Variants in POLR3B observed in about 807,000 individuals in gnomAD.
POLR3B encodes DNA-directed RNA polymerase III subunit RPC2.
POLR3B carries 96 observed loss-of-function variants against 147.4 expected under a neutral mutation model. The observed-to-expected ratio is 0.65, with a 90% CI of 0.55 to 0.77. The LOEUF is 0.77. Ranked by LOEUF, POLR3B falls within the 30% of genes least tolerant of loss-of-function variation. The pLI, the probability that POLR3B is intolerant of heterozygous loss-of-function variation, is 0.00. For synonymous variants in POLR3B, 461 were observed against 485.9 expected, an observed-to-expected ratio of 0.95 and a Z score of 0.67; for missense variants, 1,036 against 1,413.5, an observed-to-expected ratio of 0.73 and a Z score of 4.28.
At chr12:106,379,733 A>G (rs1402881598) in intron 8 of POLR3B, among the ~76,000 whole-genome samples, 1 of 152,254 alleles carries the variant, frequency 6.6e-6, no homozygotes, top group Non-Finnish European at 1.5e-5. Context: ...ACACTGGATC[A>G]AAGTAATTCA....
intron 4 of POLR3B, among the ~76,000 whole-genome samples, chr12:106,368,563 T>C (rs962017949): frequency 1.3e-5 from 2 of 152,156 alleles, no homozygotes; most frequent in Non-Finnish European, 2.9e-5. Flanking sequence ...TCCTAGACTA[T>C]AAATAAAGTT....
At chr12:106,462,798 C>A (rs773363139) in intron 22 of POLR3B, among the ~76,000 whole-genome samples, 3 of 152,154 alleles carry the variant, frequency 2.0e-5, no homozygotes, top group Admixed American at 6.5e-5. Flanking sequence ...CCACTCTGGT[C>A]AGGTCTCAAG....
At chr12:106,375,838 C>G (rs1192963909) in intron 6 of POLR3B, among the ~76,000 whole-genome samples, 1 of 152,104 alleles carries the variant, frequency 6.6e-6, no homozygotes, top group Admixed American at 6.6e-5. Flanking sequence ...AAGTTTAAAC[C>G]AAACATTTGA....
chr12:106,414,367 C>T (rs1430302640), intron 12 of POLR3B, among the ~76,000 whole-genome samples: 1 of 151,612 alleles, frequency 6.6e-6, no homozygotes, highest in African/African-American at 2.4e-5. Flanking sequence ...TGTTTATGAA[C>T]TCATATTTAA....
At chr12:106,474,003 G>A (rs2038127563) in intron 23 of POLR3B, among the ~76,000 whole-genome samples, 1 of 140,908 alleles carries the variant, frequency 7.1e-6, no homozygotes, top group South Asian at 2.3e-4. Context: ...CTGTGGGTTT[G>A]TCATAGATAG....
rs548755538 is a variant in POLR3B, at chr12:106,463,165, G to A, written c.2571-313G>A. On this transcript the variant is annotated intron_variant, in intron 22 of 27. Coordinates refer to ENST00000228347, the MANE Select transcript of POLR3B (RefSeq NM_018082.6). ...GAAATCCCAGTTCCACTTTGTGTGA[G>A]TCATGTGCCCTTGGACAAGTTACTT... 1.7e-3 allele frequency among the ~76,000 whole-genome samples: 253 copies of A among 152,308 alleles called. 4 individuals carry two copies. The highest frequency in any genetic ancestry group is 1.7e-3 in the Non-Finnish European group (114 of 68,016).
chr12:106,421,568 A>G (rs1372410003), intron 12 of POLR3B, among the ~76,000 whole-genome samples: 2 of 151,974 alleles, frequency 1.3e-5, no homozygotes, highest in Admixed American at 1.3e-4. Context: ...TTTCTTTGCA[A>G]TGTCTTTTGG....
At position 106,510,180 on chromosome 12, in the gene POLR3B, G is replaced by A. The variant is rs1346816793; in HGVS notation, c.*631G>A. ...ATGATTGTACCATGCAATACTATTCGTTAAATATCTGAATCTAACCCCGTG... is the reference window on the plus strand; with the variant it reads ...ATGATTGTACCATGCAATACTATTCATTAAATATCTGAATCTAACCCCGTG... On this transcript the variant is annotated 3_prime_UTR_variant, in exon 28 of 28. Coordinates refer to ENST00000228347, the MANE Select transcript of POLR3B (RefSeq NM_018082.6). 2.0e-5 allele frequency: 3 copies of A among 153,326 alleles called. No individual in the cohort carries two copies. In the East Asian group the frequency reaches 5.8e-4, roughly 29 times the overall value. 9.5% of individuals were successfully genotyped at this position (153,326 alleles called of 1,614,324 possible).
chr12:106,491,734 A>G (rs2038410233), intron 23 of POLR3B, among the ~76,000 whole-genome samples: 2 of 152,212 alleles, frequency 1.3e-5, no homozygotes, highest in Non-Finnish European at 2.9e-5. Context: ...GAAGTTTTCA[A>G]TATTCACTCA....
chr12:106,359,354 C>T (rs1371946737), intron 1 of POLR3B, among the ~76,000 whole-genome samples: 2 of 123,510 alleles, frequency 1.6e-5, no homozygotes, highest in African/African-American at 6.3e-5. Context: ...TTTTTTGAGA[C>T]GGAGTCTAGC....
intron 27 of POLR3B, among the ~76,000 whole-genome samples, chr12:106,506,366 T>C (rs1188857060): frequency 1.3e-5 from 2 of 152,104 alleles, no homozygotes; most frequent in Non-Finnish European, 2.9e-5. Context: ...AAAAAGAGTT[T>C]CCTTTTCTCT....
At chr12:106,471,044 C>G (rs745411442) in intron 23 of POLR3B, among the ~76,000 whole-genome samples, 1 of 152,136 alleles carries the variant, frequency 6.6e-6, no homozygotes, top group Non-Finnish European at 1.5e-5. Flanking sequence ...CTGCCTTGCC[C>G]CCAGAGGTAG....
intron 10 of POLR3B, among the ~76,000 whole-genome samples, chr12:106,399,334 A>G (rs914413316): frequency 1.1e-4 from 17 of 152,230 alleles, no homozygotes; most frequent in African/African-American, 4.1e-4. Flanking sequence ...ATATGAAAAG[A>G]CCAAATGTAG....
chr12:106,474,765 T>A (rs1276555498), intron 23 of POLR3B, among the ~76,000 whole-genome samples: 2 of 149,962 alleles, frequency 1.3e-5, no homozygotes, highest in Non-Finnish European at 3.0e-5. Context: ...TTTTTTTCTT[T>A]ATTAGTCTTG....
chr12:106,491,365 G>A lies in POLR3B; in HGVS notation c.2714-4690G>A, dbSNP rs143339646. Among the ~76,000 whole-genome samples the A allele has an allele frequency of 3.3e-5, 5 of 152,218 alleles. No individual in the cohort carries two copies. In the East Asian group the frequency reaches 9.7e-4, roughly 29 times the overall value. On this transcript the variant is annotated intron_variant, in intron 23 of 27. Coordinates refer to ENST00000228347, the MANE Select transcript of POLR3B (RefSeq NM_018082.6). ...TTCCTCGATTCACCTGCTCTACATA[G>A]GTCTAAGAGTCCAAGGGGTGATGAA...
chr12:106,478,707 A>G (rs2038218010), intron 23 of POLR3B, among the ~76,000 whole-genome samples: 1 of 152,140 alleles, frequency 6.6e-6, no homozygotes, highest in African/African-American at 2.4e-5. Context: ...AACTGGACAT[A>G]ATTTTTATTT....
At chr12:106,402,021 T>C (rs1347551970) in intron 10 of POLR3B, among the ~76,000 whole-genome samples, 1 of 152,140 alleles carries the variant, frequency 6.6e-6, no homozygotes, top group Non-Finnish European at 1.5e-5. Flanking sequence ...GAAGTCAAAT[T>C]GTCCCTGTTT....
In POLR3B at chr12:106,461,619, C is replaced by T. The variant is rs577112937; in HGVS notation, c.2571-1859C>T. Among the ~76,000 whole-genome samples, 4 of 152,154 alleles carry T rather than the reference C, an allele frequency of 2.6e-5. No individual in the cohort carries two copies. The South Asian group carries it at 6.2e-4, about 24-fold the overall frequency. On this transcript the variant is annotated intron_variant, in intron 22 of 27. Transcript: ENST00000228347. Reference sequence around the variant, plus strand: ...GACTTTGTTTCTTTTTCACCTTGTACCCCCTAGTCTCTGGCATAGTACCTG... The same window carrying T: ...GACTTTGTTTCTTTTTCACCTTGTATCCCCTAGTCTCTGGCATAGTACCTG...
intron 14 of POLR3B, 75 bp downstream of exon 14, chr12:106,430,548 T>C: frequency 2.6e-6 from 3 of 1,153,176 alleles, no homozygotes; most frequent in Middle Eastern, 2.8e-4. Flanking sequence ...GGTGGGGAGG[T>C]CTGCTTCTGT....
Sources: allele counts gnomAD v4.1 joint callset (sites outside exome capture counted in the v4.1 genomes callset), GRCh38; gene constraint gnomAD v4.1.1; transcripts MANE v1.5; gene names NCBI Gene and HGNC (gene_info 2026-07-23, HGNC 2026-07-21).